ALPK1: variants seen among roughly 807,000 people sequenced by gnomAD.
ALPK1 encodes the protein alpha kinase 1.
In ALPK1, 110 loss-of-function variants were observed where a neutral mutation model predicts 120.6. That is an observed-to-expected ratio of 0.91 (90% confidence interval 0.78 to 1.07). ALPK1 has a LOEUF of 1.07. ALPK1 is among the 50% of genes least tolerant of loss of function. ALPK1 has a pLI of 0.00. For missense variants in ALPK1, 1,498 were observed against 1,483.9 expected (o/e 1.01, Z -0.16); for synonymous variants, 582 against 560.3 (o/e 1.04, Z -0.55).
intron 1 of ALPK1, among the ~76,000 whole-genome samples, chr4:112,298,755 C>A (rs1157251160): frequency 6.6e-6 from 1 of 152,126 alleles, no homozygotes; most frequent in African/African-American, 2.4e-5. Context: ...TAAGCTGTAA[C>A]AATACCTCCC....
intron 2 of ALPK1, among the ~76,000 whole-genome samples, chr4:112,325,804 T>G (rs1729091304): frequency 6.6e-6 from 1 of 151,984 alleles, no homozygotes; most frequent in Non-Finnish European, 1.5e-5. Flanking sequence ...ATGATTTGAG[T>G]TTTTAAGCAA....
At chr4:112,353,231 C>T (rs1233843249) in intron 2 of ALPK1, among the ~76,000 whole-genome samples, 1 of 152,172 alleles carries the variant, frequency 6.6e-6, no homozygotes. Flanking sequence ...CTGCCTCAGC[C>T]TCCCAAAGTG....
chr4:112,432,005 T>G lies in ALPK1; in HGVS notation c.2458T>G (p.Ser820Ala). 6.2e-7 allele frequency: 1 copy of G among 1,614,096 alleles called. No individual in the cohort carries two copies. The highest frequency in any genetic ancestry group is 2.2e-5 in the East Asian group (1 of 44,864). ...LGNISMLPCSSFTPNWPVQNP... is the reference protein window; with the variant it reads ...LGNISMLPCSAFTPNWPVQNP... ...AAACATTTCCATGCTGCCATGTAGC[T>G]CCTTCACCCCTAATTGGCCTGTTCA... is the stretch of plus-strand genomic sequence containing the variant. Residue 820 changes from serine (S) to alanine (A), a missense_variant, in exon 11 of 16, where the codon TCC (serine) becomes GCC (alanine). Coordinates refer to ENST00000650871, the MANE Select transcript of ALPK1 (RefSeq NM_025144.4).
At chr4:112,314,035 G>C (rs1337163480) in intron 1 of ALPK1, among the ~76,000 whole-genome samples, 2 of 152,226 alleles carry the variant, frequency 1.3e-5, no homozygotes, top group Non-Finnish European at 1.5e-5. Context: ...CGATGTAAAA[G>C]ATTGAGAGAG....
chr4:112,306,872 C>T lies in ALPK1; in HGVS notation c.-152-8929C>T, dbSNP rs373210725. Among the ~76,000 whole-genome samples, 31 of 152,106 alleles carry T rather than the reference C, an allele frequency of 2.0e-4. No homozygotes were observed. The East Asian group carries it at 4.8e-3, about 24-fold the overall frequency. On this transcript the variant is annotated intron_variant, in intron 1 of 15. Transcript: ENST00000650871. ...TGTCAATTTAAGATCTTTCCTGCTT[C>T]CTCTTGTGGGCATTTAGTGCTATAA...
At chr4:112,340,712 A>G (rs1729824311) in intron 2 of ALPK1, among the ~76,000 whole-genome samples, 1 of 152,208 alleles carries the variant, frequency 6.6e-6, no homozygotes, top group African/African-American at 2.4e-5. Flanking sequence ...CTTCTACTCA[A>G]TGTTGGGAAA....
chr4:112,417,266 A>G (rs1251264360), intron 5 of ALPK1, among the ~76,000 whole-genome samples: 1 of 152,198 alleles, frequency 6.6e-6, no homozygotes, highest in Non-Finnish European at 1.5e-5. Context: ...TAGAATGAAG[A>G]AGTGGAGAGT....
chr4:112,397,812 G>A, intron 4 of ALPK1, among the ~76,000 whole-genome samples: 1 of 146,848 alleles, frequency 6.8e-6, no homozygotes, highest in African/African-American at 2.7e-5. Context: ...GGTGGGGTGG[G>A]GAGCAGCTTC....
At chr4:112,389,255 G>A (rs1732293303) in intron 4 of ALPK1, among the ~76,000 whole-genome samples, 1 of 152,120 alleles carries the variant, frequency 6.6e-6, no homozygotes, top group Non-Finnish European at 1.5e-5. Context: ...ATGTTGGCCA[G>A]GATGAGCTCA....
intron 4 of ALPK1, among the ~76,000 whole-genome samples, chr4:112,404,965 A>C (rs1194422890): frequency 6.6e-6 from 1 of 152,194 alleles, no homozygotes; most frequent in East Asian, 1.9e-4. Flanking sequence ...ACTCTTCTAC[A>C]CTGGGTGATA....
At chr4:112,333,953 C>A (rs1406929037) in intron 2 of ALPK1, among the ~76,000 whole-genome samples, 1 of 151,802 alleles carries the variant, frequency 6.6e-6, no homozygotes, top group Admixed American at 6.6e-5. Context: ...TGGTAAACAG[C>A]ATAAATAGGC....
intron 5 of ALPK1, among the ~76,000 whole-genome samples, chr4:112,414,071 G>A (rs971698745): frequency 6.6e-6 from 1 of 152,226 alleles, no homozygotes; most frequent in African/African-American, 2.4e-5. Flanking sequence ...TGAGAGCAGG[G>A]ATGGCTTAGG....
chr4:112,312,280 C>CT (rs1184394197), intron 1 of ALPK1, among the ~76,000 whole-genome samples: 145 of 146,756 alleles, frequency 9.9e-4, no homozygotes, highest in South Asian at 5.6e-3. Context: ...AATCTAGATT[C>CT]TTTTTTTTTT....
rs1734529670 is a variant in ALPK1, at chr4:112,431,171, T to C, written c.1624T>C (p.Ser542Pro). 6.2e-7 allele frequency: 1 copy of C among 1,614,014 alleles called. No homozygotes were observed. The highest frequency in any genetic ancestry group is 1.3e-5 in the African/African-American group (1 of 74,922). Residue 542 changes from serine (S) to proline (P), a missense_variant, in exon 11 of 16, where the codon TCT becomes CCT. Ser to Pro is a moderately conservative substitution (Grantham distance 74). Coordinates refer to ENST00000650871, the MANE Select transcript of ALPK1 (RefSeq NM_025144.4). ...GGGAGGAAGGAGAAACTGGACCCAT[T>C]CTGATGCATTTCGAGTCTCCTTGGA... ...RRGGRRNWTH[S>P]DAFRVSLDQD...
intron 9 of ALPK1, chr4:112,428,178 C>G (rs1734323513): frequency 6.5e-6 from 1 of 152,844 alleles, no homozygotes; most frequent in African/African-American, 2.4e-5. Flanking sequence ...CAAAGTGTAT[C>G]ATTCCATTTT....
chr4:112,440,660 TTGG>T (rs1734995696), intron 14 of ALPK1, among the ~76,000 whole-genome samples: 1 of 152,166 alleles, frequency 6.6e-6, no homozygotes, highest in African/African-American at 2.4e-5. Context: ...CCTTGAAAAA[TTGG>T]TGATCTGGGG....
intron 1 of ALPK1, among the ~76,000 whole-genome samples, chr4:112,306,707 G>A (rs1451115367): frequency 2.6e-5 from 4 of 151,908 alleles, no homozygotes; most frequent in South Asian, 2.1e-4. Context: ...CCAGCTCCTG[G>A]ATTCATTGAT....
At chr4:112,423,826 G>T in intron 5 of ALPK1, 118 bp from the exon 6 acceptor site, 1 of 882,530 alleles carries the variant, frequency 1.1e-6, no homozygotes, top group Non-Finnish European at 1.9e-6. Flanking sequence ...AAAATGGAAT[G>T]CTTCCAAAGG....
intron 2 of ALPK1, among the ~76,000 whole-genome samples, chr4:112,360,227 A>G (rs937395322): frequency 6.6e-6 from 1 of 152,062 alleles, no homozygotes; most frequent in African/African-American, 2.4e-5. Context: ...CTCCAGGATC[A>G]TCCATGTTGT....
Sources: allele counts gnomAD v4.1 joint callset (sites outside exome capture counted in the v4.1 genomes callset), GRCh38; gene constraint gnomAD v4.1.1; transcripts MANE v1.5; gene names NCBI Gene and HGNC (gene_info 2026-07-23, HGNC 2026-07-21).